ADAMTS16: variants seen among roughly 807,000 people sequenced by gnomAD.
The protein encoded by ADAMTS16 is A disintegrin and metalloproteinase with thrombospondin motifs 16.
Under a neutral mutation model 145.8 loss-of-function variants are expected in ADAMTS16, and 94 were observed. The ratio of observed to expected loss-of-function variants is 0.64; its 90% confidence interval spans 0.55 to 0.77. The LOEUF is 0.77. ADAMTS16 is among the 30% of genes least tolerant of loss of function. The pLI, the probability that ADAMTS16 is intolerant of heterozygous loss-of-function variation, is 0.00. For synonymous variants in ADAMTS16, 659 were observed against 604.3 expected (o/e 1.09, Z -1.33); for missense variants, 1,585 against 1,591.5 (o/e 1.00, Z 0.07).
At position 5,278,900 on chromosome 5, in the gene ADAMTS16, C is replaced by A. The variant is rs536047926; in HGVS notation, c.2789+16117C>A. Among the ~76,000 whole-genome samples the A allele has an allele frequency of 4.4e-3, 666 of 151,434 alleles. 4 individuals carry two copies. The highest frequency in any genetic ancestry group is 0.014 in the African/African-American group (573 of 41,240). On this transcript the variant is annotated intron_variant, in intron 18 of 22. Transcript: ENST00000274181. ...AAAAATGAAAAAAAGGGGGAAAAAA[C>A]CAATAAAAAACCAACCAAACAAACA...
At chr5:5,179,396 T>C (rs1314930078) in intron 3 of ADAMTS16, among the ~76,000 whole-genome samples, 1 of 152,110 alleles carries the variant, frequency 6.6e-6, no homozygotes, top group Non-Finnish European at 1.5e-5. Context: ...TTGTTATTGG[T>C]TTAAGCCATG....
intron 18 of ADAMTS16, among the ~76,000 whole-genome samples, chr5:5,264,161 T>C (rs1738143207): frequency 6.6e-6 from 1 of 152,080 alleles, no homozygotes; most frequent in South Asian, 2.1e-4. Flanking sequence ...AAAGGCATTA[T>C]TGAGAAAGAA....
chr5:5,232,924 G>A (rs552586680), intron 12 of ADAMTS16, among the ~76,000 whole-genome samples: 40 of 152,138 alleles, frequency 2.6e-4, no homozygotes, highest in Non-Finnish European at 4.6e-4. Flanking sequence ...TAGCAAGCCT[G>A]TACTGTACAT....
intron 9 of ADAMTS16, among the ~76,000 whole-genome samples, chr5:5,201,714 C>T (rs1037530715): frequency 2.6e-5 from 4 of 152,040 alleles, no homozygotes; most frequent in Non-Finnish European, 5.9e-5. Context: ...CCAAGAAGTC[C>T]CCAGGCTAGG....
At chr5:5,272,277 T>C (rs1400911841) in intron 18 of ADAMTS16, among the ~76,000 whole-genome samples, 1 of 151,938 alleles carries the variant, frequency 6.6e-6, no homozygotes. Context: ...GAGTGAGACC[T>C]GCGCAGCCTC....
At chr5:5,226,432 C>T (rs1245892154) in intron 11 of ADAMTS16, among the ~76,000 whole-genome samples, 1 of 152,156 alleles carries the variant, frequency 6.6e-6, no homozygotes, top group African/African-American at 2.4e-5. Context: ...AGACCCGCCC[C>T]CATGATTCAA....
Position 5,306,478 on chromosome 5 carries a change from G to T in ADAMTS16, c.3187-26G>T. 3 of 1,577,674 alleles carry T rather than the reference G, an allele frequency of 1.9e-6. No individual in the cohort carries two copies. The South Asian group carries it at 3.5e-5, about 18-fold the overall frequency. ...TGCAAAAAAAGAGATTTTTTTCACT[G>T]ACTTCTTTTGTTCTCTTCTTTTTAG... On this transcript the variant is annotated intron_variant, in intron 20 of 22. Transcript: ENST00000274181.
rs1381145434 is a variant in ADAMTS16, at chr5:5,180,508, C to G, written c.502-1536C>G. On this transcript the variant is annotated intron_variant, in intron 3 of 22. Coordinates refer to ENST00000274181, the MANE Select transcript of ADAMTS16 (RefSeq NM_139056.4). The stretch of plus-strand genomic sequence containing the variant: ...ATAAAAAGGAAGTATAATCTTCTTG[C>G]ATCCCTCCTACTCAACTTTCTCCTC... Among the ~76,000 whole-genome samples, 4 of 152,196 alleles carry G rather than the reference C, an allele frequency of 2.6e-5. No homozygotes were observed. The East Asian group carries it at 7.7e-4, about 29-fold the overall frequency.
intron 6 of ADAMTS16, among the ~76,000 whole-genome samples, chr5:5,188,582 G>A (rs1560940631): frequency 6.6e-6 from 1 of 152,194 alleles, no homozygotes; most frequent in Non-Finnish European, 1.5e-5. Context: ...CAAGAGCCCA[G>A]CCTCAGCTCC....
intron 11 of ADAMTS16, among the ~76,000 whole-genome samples, chr5:5,228,050 T>C (rs895054359): frequency 6.6e-6 from 1 of 152,226 alleles, no homozygotes; most frequent in African/African-American, 2.4e-5. Flanking sequence ...TCAATAGCTA[T>C]TTGCTTACAT....
intron 3 of ADAMTS16, among the ~76,000 whole-genome samples, chr5:5,146,883 A>G (rs1012902697): frequency 4.6e-5 from 7 of 152,212 alleles, no homozygotes; most frequent in African/African-American, 1.7e-4. Context: ...TATTTGAAAG[A>G]CTTTGAATAC....
At chr5:5,265,865 A>T (rs1285945522) in intron 18 of ADAMTS16, among the ~76,000 whole-genome samples, 1 of 152,078 alleles carries the variant, frequency 6.6e-6, no homozygotes, top group African/African-American at 2.4e-5. Context: ...TCCTGTGCTG[A>T]ATTCCTCTTT....
At chr5:5,287,787 C>T (rs1209301789) in intron 18 of ADAMTS16, among the ~76,000 whole-genome samples, 1 of 152,168 alleles carries the variant, frequency 6.6e-6, no homozygotes, top group African/African-American at 2.4e-5. Context: ...CTGGTGACCC[C>T]GTCACTGAAG....
intron 3 of ADAMTS16, among the ~76,000 whole-genome samples, chr5:5,167,457 T>C (rs2036819907): frequency 2.0e-5 from 3 of 152,348 alleles, no homozygotes; most frequent in Middle Eastern, 3.4e-3. Flanking sequence ...CTTTGGAATG[T>C]ACAGGTACAG....
chr5:5,298,994 C>T (rs952176923), intron 18 of ADAMTS16, among the ~76,000 whole-genome samples: 3 of 151,954 alleles, frequency 2.0e-5, no homozygotes, highest in Non-Finnish European at 2.9e-5. Context: ...CACCGCCTAG[C>T]GAATGCTGTA....
At chr5:5,295,388 T>A (rs1402144838) in intron 18 of ADAMTS16, among the ~76,000 whole-genome samples, 2 of 138,852 alleles carry the variant, frequency 1.4e-5, no homozygotes, top group Non-Finnish European at 3.1e-5. Flanking sequence ...CTAATGCTCA[T>A]GTTTCATAGA....
At chr5:5,283,117 T>C (rs1738982861) in intron 18 of ADAMTS16, among the ~76,000 whole-genome samples, 1 of 152,154 alleles carries the variant, frequency 6.6e-6, no homozygotes, top group Non-Finnish European at 1.5e-5. Context: ...GTATATCTCT[T>C]ATTTACCCCT....
chr5:5,305,111 CCA>C (rs1398406627), intron 20 of ADAMTS16, among the ~76,000 whole-genome samples: 1 of 36,866 alleles, frequency 2.7e-5, no homozygotes. Context: ...ACATCCCACA[CCA>C]CACACACACC....
intron 18 of ADAMTS16, among the ~76,000 whole-genome samples, chr5:5,263,859 C>A (rs1738130792): frequency 6.6e-6 from 1 of 152,220 alleles, no homozygotes; most frequent in Non-Finnish European, 1.5e-5. Flanking sequence ...GGTACCCACA[C>A]TCAGTGGGCC....
Sources: gnomAD v4.1 joint callset for allele counts (sites outside exome capture counted in the v4.1 genomes callset) on GRCh38, gnomAD v4.1.1 for gene constraint, MANE v1.5 for transcripts, NCBI Gene and HGNC (gene_info 2026-07-23, HGNC 2026-07-21) for gene names.